The following MED23 variants were observed in gnomAD, a reference collection of about 807,000 sequenced individuals.
The protein encoded by MED23 is mediator complex subunit 23.
MED23 carries 105 observed loss-of-function variants against 163.9 expected under a neutral mutation model. That is an observed-to-expected ratio of 0.64 (90% CI 0.55 to 0.75). The LOEUF (loss-of-function observed/expected upper bound fraction) is 0.75. Among genes scored for constraint, MED23 ranks in the 30% least tolerant of loss-of-function variants. The pLI is 0.00. For missense variants in MED23, 1,054 were observed against 1,649.0 expected (o/e 0.64, Z 6.25); for synonymous variants, 561 against 565.6 (o/e 0.99, Z 0.12).
chr6:131,579,124 G>A lies in MED23; in HGVS notation c.4096-4829C>T, dbSNP rs375655714. 6 of 1,614,110 alleles carry A rather than the reference G, an allele frequency of 3.7e-6. No individual in the cohort carries two copies. Among genetic ancestry groups the A allele is most frequent in the Non-Finnish European group, 4.2e-6 (5 of 1,179,996 alleles). On this transcript the variant is annotated intron_variant, in intron 30 of 30. Transcript: ENST00000354577. ...TTTTAATTTTAGAGTGTGATGTGAAGGATTATGGGGACCTGCCCTTTGCTG... is the reference window on the plus strand; with the variant it reads ...TTTTAATTTTAGAGTGTGATGTGAAAGATTATGGGGACCTGCCCTTTGCTG...
At chr6:131,615,217 G>T in intron 10 of MED23, 1 of 1,315,778 alleles carries the variant, frequency 7.6e-7, no homozygotes, top group Non-Finnish European at 1.1e-6. Flanking sequence ...GCATGGTCCT[G>T]CCAATTTCAA....
downstream of MED23, chr6:131,584,161 T>C: frequency 2.2e-6 from 1 of 464,266 alleles, no homozygotes; most frequent in East Asian, 4.2e-5. Context: ...GTACATTGAT[T>C]TCCAATTAAA....
rs1483713164 is a variant in MED23, at chr6:131,602,213, C to T, written c.2095+5G>A. On this transcript the variant is annotated splice_donor_5th_base_variant and intron_variant, in intron 17 of 28. Coordinates refer to ENST00000368068, the MANE Select transcript of MED23 (RefSeq NM_004830.4). ...TTGTTGTTTGTAGTCACATATTCAC[C>T]GTACCTGTTACATGAGTTGCTCTAG... 8.1e-6 allele frequency: 13 copies of T among 1,613,358 alleles called. No homozygotes were observed. Among genetic ancestry groups the T allele is most frequent in the Middle Eastern group, 1.6e-4 (1 of 6,074 alleles).
intron 30 of MED23, among the ~76,000 whole-genome samples, chr6:131,577,673 G>C (rs1284176270): frequency 6.6e-6 from 1 of 151,918 alleles, no homozygotes; most frequent in Non-Finnish European, 1.5e-5. Context: ...AAGCCAAGGT[G>C]GGTGGACTGT....
chr6:131,622,922 G>A (rs1400644198), intron 5 of MED23, among the ~76,000 whole-genome samples: 1 of 152,170 alleles, frequency 6.6e-6, no homozygotes, highest in African/African-American at 2.4e-5. Flanking sequence ...GTTGTTTTTG[G>A]TCAAGAGCCC....
rs1234867882 is a variant in MED23 at position 131,591,902 on chromosome 6, G to C, written c.3472-375C>G. 12 of 240,162 alleles carry C rather than the reference G, an allele frequency of 5.0e-5. No homozygotes were observed. In the South Asian group the frequency reaches 7.1e-4, roughly 14 times the overall value. 14.9% of individuals were successfully genotyped at this position (240,162 alleles called of 1,614,324 possible). On this transcript the variant is annotated intron_variant, in intron 25 of 28. Coordinates refer to ENST00000368068, the MANE Select transcript of MED23 (RefSeq NM_004830.4). The stretch of plus-strand genomic sequence containing the variant: ...ATGTGAGCTGGAAAAGTCAGGGAAG[G>C]CTTCATTCACTGAGAAAGGAGGCTC...
intron 25 of MED23, 74 bp downstream of exon 25, chr6:131,592,314 T>G: frequency 7.6e-7 from 1 of 1,313,058 alleles, no homozygotes; most frequent in East Asian, 2.3e-5. Context: ...CCTATATGCA[T>G]CTTTTTCTTT....
intron 20 of MED23, among the ~76,000 whole-genome samples, chr6:131,597,293 G>A (rs934710583): frequency 4.6e-5 from 7 of 151,708 alleles, no homozygotes; most frequent in African/African-American, 1.5e-4. Context: ...TGGCTAACAC[G>A]GTGAAACCCC....
At chr6:131,615,755 GGAATAATACATT>G in intron 10 of MED23, 140 bp downstream of exon 10, 5 of 673,920 alleles carry the variant, frequency 7.4e-6, no homozygotes, top group Non-Finnish European at 1.3e-5. Context: ...ATAAATGATA[GGAATAATACATT>G]GTTTAAAAAA....
intron 4 of MED23, among the ~76,000 whole-genome samples, chr6:131,624,034 T>C (rs1777306825): frequency 1.3e-5 from 2 of 152,246 alleles, no homozygotes; most frequent in Admixed American, 6.5e-5. Flanking sequence ...CATTATGTTA[T>C]ATTTTACTAG....
At chr6:131,599,853 C>T (rs932324868) in intron 18 of MED23, among the ~76,000 whole-genome samples, 185 bp downstream of exon 18, 2 of 152,074 alleles carry the variant, frequency 1.3e-5, no homozygotes, top group African/African-American at 4.8e-5. Flanking sequence ...AGCCATCCCC[C>T]TTGCCTCAGC....
At chr6:131,591,588 C>T (rs1774640333) in intron 25 of MED23, 61 bp from the exon 26 acceptor site, 1 of 1,218,396 alleles carries the variant, frequency 8.2e-7, no homozygotes, top group Non-Finnish European at 1.2e-6. Flanking sequence ...ACCCCAAAGT[C>T]TAAAGTAATA....
At chr6:131,581,795 CAT>C (rs1246333224), downstream of MED23, among the ~76,000 whole-genome samples, 1 of 152,126 alleles carries the variant, frequency 6.6e-6, no homozygotes, top group African/African-American at 2.4e-5. Flanking sequence ...CCTTCTATAT[CAT>C]AGAGGCTTTT....
chr6:131,608,890 A>G (rs1388978413), intron 11 of MED23, among the ~76,000 whole-genome samples: 1 of 152,206 alleles, frequency 6.6e-6, no homozygotes, highest in Non-Finnish European at 1.5e-5. Context: ...TTTTCCCACA[A>G]ACTTAAGTCT....
At chr6:131,574,400 C>T in intron 30 of MED23, 1 of 1,311,882 alleles carries the variant, frequency 7.6e-7, no homozygotes, top group African/African-American at 1.4e-5. Context: ...AAAGTCTCTC[C>T]CAAACACAGG....
downstream of MED23, chr6:131,584,130 C>CTT (rs1774082739): frequency 1.8e-6 from 1 of 555,898 alleles, no homozygotes; most frequent in African/African-American, 1.9e-5. Context: ...TGGCAAAAGA[C>CTT]TTATCCTTAG....
At chr6:131,583,987 C>G, downstream of MED23, 2 of 1,498,314 alleles carry the variant, frequency 1.3e-6, no homozygotes, top group Middle Eastern at 3.5e-4. Context: ...ATAGAGTTAT[C>G]CTTCTAAAGA....
chr6:131,603,127 T>G lies in MED23; in HGVS notation c.1834A>C (p.Met612Leu). ...CTGTAATGAGGCTGAATATGATGCA[T>G]CCGGTAGCTAAACATCTCAAGGAGT... is the stretch of plus-strand genomic sequence containing the variant. The part of the protein sequence containing the change: ...HTLLEMFSYR[M>L]HHIQPHYRVQ... The change falls in exon 16 of 29, where the codon ATG (methionine) becomes CTG (leucine). Residue 612 changes from methionine to leucine, a missense_variant. Met to Leu is a conservative substitution (Grantham distance 15). Around this residue, in one of 11 missense-constraint regions of MED23, gnomAD observed 228 missense variants for 461.3 expected, o/e 0.49. Coordinates refer to ENST00000368068, the MANE Select transcript of MED23 (RefSeq NM_004830.4). 1 of 1,613,920 alleles carries G rather than the reference T, an allele frequency of 6.2e-7. No individual in the cohort carries two copies.
chr6:131,581,214 A>G lies in MED23; in HGVS notation c.4095+6495T>C, dbSNP rs777553747. The G allele has an allele frequency of 1.8e-5, 29 of 1,613,688 alleles. No individual in the cohort carries two copies. Among genetic ancestry groups the G allele is most frequent in the Middle Eastern group, 1.6e-4 (1 of 6,076 alleles). On this transcript the variant is annotated intron_variant, in intron 30 of 30. Transcript: ENST00000354577. ...GATGTTCACACAAAATTTTTTCCCCAAAAGTTTGGCAATTGGAAGCATCTC... is the reference window on the plus strand; with the variant it reads ...GATGTTCACACAAAATTTTTTCCCCGAAAGTTTGGCAATTGGAAGCATCTC...
Sources: allele counts gnomAD v4.1 joint callset (sites outside exome capture counted in the v4.1 genomes callset), GRCh38; gene constraint gnomAD v4.1.1; regional missense constraint gnomAD v4.1.1; transcripts MANE v1.5; gene names NCBI Gene and HGNC (gene_info 2026-07-23, HGNC 2026-07-21).